Variants in ABCA7 observed in about 807,000 individuals in gnomAD.
ABCA7 encodes phospholipid-transporting ATPase ABCA7.
In ABCA7, 261 loss-of-function variants were observed where a neutral mutation model predicts 227.6. The observed-to-expected ratio is 1.15, with a 90% CI of 1.04 to 1.27. The LOEUF (loss-of-function observed/expected upper bound fraction) is 1.27, where lower values mean the gene tolerates loss of function less well. ABCA7 is among the 50% of genes most tolerant of loss of function. ABCA7 has a pLI of 0.00. For synonymous variants in ABCA7, 1,488 were observed against 1,279.7 expected, an observed-to-expected ratio of 1.16 and a Z score of -3.47; for missense variants, 3,331 against 2,924.5, an observed-to-expected ratio of 1.14 and a Z score of -3.21.
rs117390715 is a variant in ABCA7 at position 1,051,516 on chromosome 19, C to A, written c.2892C>A (p.Asp964Glu). The A allele has an allele frequency of 1.2e-6, 2 of 1,612,528 alleles. No homozygotes were observed. The highest frequency in any genetic ancestry group is 2.7e-5 in the African/African-American group (2 of 74,918). The change falls in exon 21 of 47, where the codon GAC (aspartate) becomes GAA (glutamate). Residue 964 changes from aspartate to glutamate, a missense_variant. By Grantham distance (45) the Asp-to-Glu change is conservative (BLOSUM62 2). Coordinates refer to ENST00000263094, the MANE Select transcript of ABCA7 (RefSeq NM_019112.4). ...GCGGCTCCCAAGTTGTTATCCTGGA[C>A]GAGCCTACGGCTGGCGTGGATCCTG... ...FVGGSQVVILDEPTAGVDPAS... is the reference protein window; with the variant it reads ...FVGGSQVVILEEPTAGVDPAS...
In ABCA7 at chr19:1,052,089, T is replaced by C; in HGVS notation, c.3110T>C (p.Leu1037Pro). The change falls in exon 22 of 47, where the codon CTG becomes CCG. Residue 1037 changes from leucine (L) to proline (P), a missense_variant. Physicochemically the swap from Leu to Pro is moderately conservative, Grantham distance 98. Transcript: ENST00000263094. The part of the protein sequence containing the change: ...RHLGSGYYLT[L>P]VKARLPLTTN... ...CTGGGCTCCGGCTACTACCTGACGC[T>C]GGTGAAGGCCCGCCTGCCCCTGACC... is the stretch of plus-strand genomic sequence containing the variant. 6.2e-7 allele frequency: 1 copy of C among 1,612,190 alleles called. No homozygotes were observed. Among genetic ancestry groups the C allele is most frequent in the East Asian group, 2.2e-5 (1 of 44,824 alleles).
At position 1,050,274 on chromosome 19, in the gene ABCA7, T is replaced by C. The variant is rs373322909; in HGVS notation, c.2553-647T>C. On this transcript the variant is annotated intron_variant, in intron 18 of 46. Transcript: ENST00000263094. ...AAATACAAAAATTAGCCGGGTGTGA[T>C]GGTGGCGTGCACCTGTAATCCCAGC... 9.2e-5 allele frequency among the ~76,000 whole-genome samples: 14 copies of C among 151,740 alleles called. No homozygotes were observed. The East Asian group carries it at 9.8e-4, about 11-fold the overall frequency.
Position 1,054,694 on chromosome 19 carries a change from G to A in ABCA7, c.3851G>A (p.Ser1284Asn), listed in dbSNP as rs779440037. 4.3e-6 allele frequency: 7 copies of A among 1,612,412 alleles called. No homozygotes were observed. Among genetic ancestry groups the A allele is most frequent in the Admixed American group, 3.3e-5 (2 of 59,982 alleles). Reference sequence around the variant, plus strand: ...TACGGTGCTCAGGTGTCCTTCTTCAGGTGGGTGCAGAAGGAAGGGGCTGGT... The same window carrying A: ...TACGGTGCTCAGGTGTCCTTCTTCAAGTGGGTGCAGAAGGAAGGGGCTGGT... ...TMYGAQVSFF[S>N]EDAPGDPGRA... The change falls in exon 28 of 47, where the codon AGT becomes AAT. Residue 1284 changes from serine (S) to asparagine (N), a missense_variant and splice_region_variant. Ser to Asn is a conservative substitution (Grantham distance 46). Coordinates refer to ENST00000263094, the MANE Select transcript of ABCA7 (RefSeq NM_019112.4). The surrounding 1 kb of genome is among the most constrained non-coding windows in gnomAD (Gnocchi z 4.8).
chr19:1,043,023 C>G lies in ABCA7; in HGVS notation c.580-18C>G. The G allele has an allele frequency of 6.3e-7, 1 of 1,583,346 alleles. No homozygotes were observed. Among genetic ancestry groups the G allele is most frequent in the South Asian group, 1.1e-5 (1 of 89,232 alleles). On this transcript the variant is annotated intron_variant, in intron 7 of 46. Coordinates refer to ENST00000263094, the MANE Select transcript of ABCA7 (RefSeq NM_019112.4). ...GAGGTGGGATCATTGCCAGCTCCGT[C>G]TGGTAACCTCTCTCTAGCTCCTGGC...
intron 16 of ABCA7, among the ~76,000 whole-genome samples, chr19:1,048,614 C>T (rs2040995979): frequency 6.6e-6 from 1 of 151,556 alleles, no homozygotes; most frequent in South Asian, 2.1e-4. Flanking sequence ...TGGAGACCAT[C>T]CTGGCTAACA....
At chr19:1,049,172 C>G in intron 17 of ABCA7, 94 bp from the exon 18 acceptor site, 1 of 1,430,570 alleles carries the variant, frequency 7.0e-7, no homozygotes, top group Non-Finnish European at 9.5e-7. Flanking sequence ...GGCCCCGGCC[C>G]AGCAGGTCCC....
chr19:1,050,023 T>C (rs1173945474), intron 18 of ABCA7, among the ~76,000 whole-genome samples: 13 of 91,882 alleles, frequency 1.4e-4, no homozygotes, highest in South Asian at 4.5e-4. Context: ...ACTTCCTCCC[T>C]GTGAGCTCCC....
chr19:1,041,613 C>G lies in ABCA7; in HGVS notation c.160+10C>G, dbSNP rs367574717. ...CTGGAGCACCATGAATGTGAGCCCC[C>G]CCAGGGACCAGGCACTTTGTGTGTG... On this transcript the variant is annotated intron_variant, in intron 3 of 46. Transcript: ENST00000263094. 756 of 1,610,328 alleles carry G rather than the reference C, an allele frequency of 4.7e-4. 3 individuals carry two copies. The highest frequency in any genetic ancestry group is 7.0e-4 in the South Asian group (64 of 91,070).
chr19:1,065,360 C>T lies in ABCA7; in HGVS notation c.6376C>T (p.Leu2126=). The change falls in exon 47 of 47, where the codon CTG becomes TTG. Residue 2126 remains leucine (L), a synonymous_variant. Transcript: ENST00000263094. ...AGTGGGAGTGGACCCCGCGCCAGGC[C>T]TGCAGCACCCCAAACGCGTCAGCCA... ...AGVGVDPAPG[L]QHPKRVSQFL... is the part of the protein sequence containing the mutation. 1 of 1,613,636 alleles carries T rather than the reference C, an allele frequency of 6.2e-7. No individual in the cohort carries two copies. The highest frequency in any genetic ancestry group is 8.5e-7 in the Non-Finnish European group (1 of 1,179,994).
In ABCA7 at chr19:1,057,973, G is replaced by C; in HGVS notation, c.4939G>C (p.Ala1647Pro). ...CTTCTTCTTCTCCGTGCCCAGCACA[G>C]CCTATGTGGTGCTCACCTGCATAAA... ...ASFFFSVPST[A>P]YVVLTCINLF... The change falls in exon 36 of 47, where the codon GCC becomes CCC. Residue 1647 changes from alanine (A) to proline (P), a missense_variant. Ala to Pro is a conservative substitution (Grantham distance 27). Coordinates refer to ENST00000263094, the MANE Select transcript of ABCA7 (RefSeq NM_019112.4). 6.2e-7 allele frequency: 1 copy of C among 1,614,062 alleles called. No homozygotes were observed. Among genetic ancestry groups the C allele is most frequent in the Non-Finnish European group, 8.5e-7 (1 of 1,180,016 alleles).
At chr19:1,062,738 G>A (rs927521680) in intron 42 of ABCA7, among the ~76,000 whole-genome samples, 16 of 151,548 alleles carry the variant, frequency 1.1e-4, no homozygotes, top group African/African-American at 3.9e-4. Flanking sequence ...TGGGGGTCTT[G>A]TCTTTGCCCT....
intron 40 of ABCA7, among the ~76,000 whole-genome samples, chr19:1,059,978 G>A (rs1035086477): frequency 1.3e-5 from 2 of 152,076 alleles, no homozygotes; most frequent in Non-Finnish European, 2.9e-5. Flanking sequence ...GTCCATCAAC[G>A]TTTATCAAAT....
intron 16 of ABCA7, among the ~76,000 whole-genome samples, chr19:1,047,916 C>A (rs2040877373): frequency 6.6e-6 from 1 of 152,202 alleles, no homozygotes; most frequent in Non-Finnish European, 1.5e-5. Flanking sequence ...TCGCCGGGCG[C>A]TGTGGCTCAC....
At chr19:1,049,463 G>T (rs773578850) in intron 18 of ABCA7, 26 bp downstream of exon 18, 2 of 1,232,364 alleles carry the variant, frequency 1.6e-6, no homozygotes, top group East Asian at 3.5e-5. Context: ...CTCCCTCCCC[G>T]TGAGCCCCCC....
Position 1,050,974 on chromosome 19 carries a change from G to A in ABCA7, c.2606G>A (p.Gly869Asp). ...PPSGGSAFILGHDVRSSMAAI... is the reference protein window; with the variant it reads ...PPSGGSAFILDHDVRSSMAAI... ...AGTGGTGGCTCTGCCTTCATCCTGG[G>A]CCACGACGTCCGCTCCAGCATGGCC... The change falls in exon 19 of 47, where the codon GGC becomes GAC. Residue 869 changes from glycine to aspartate, a missense_variant. Gly to Asp is a moderately conservative substitution (Grantham distance 94). Transcript: ENST00000263094. 1 of 1,612,184 alleles carries A rather than the reference G, an allele frequency of 6.2e-7. No homozygotes were observed. Among genetic ancestry groups the A allele is most frequent in the Non-Finnish European group, 8.5e-7 (1 of 1,179,724 alleles).
rs767239326 is a variant in ABCA7 at position 1,047,456 on chromosome 19, C to G, written c.2071C>G (p.Leu691Val). Residue 691 changes from leucine (L) to valine (V), a missense_variant, in exon 16 of 47, where the codon CTG (leucine) becomes GTG (valine). Leu to Val is a conservative substitution (Grantham distance 32, BLOSUM62 1). Transcript: ENST00000263094. The stretch of plus-strand genomic sequence containing the variant: ...CTGACCGCCCGCTTTTCCGCAGAGC[C>G]TGCTGTCGCCCGTGGCCTTCGGCTT... ...LPAGGRVAAS[L>V]LSPVAFGFGC... 17 of 1,545,992 alleles carry G rather than the reference C, an allele frequency of 1.1e-5. No homozygotes were observed. The East Asian group carries it at 3.8e-4, about 35-fold the overall frequency.
At position 1,057,398 on chromosome 19, in the gene ABCA7, C is replaced by T. The variant is rs2042347948; in HGVS notation, c.4849C>T (p.Pro1617Ser). ...QRAYVAPANL[P>S]ALLLLLLLYG... ...GGCATATGTGGCCCCTGCCAACCTG[C>T]CTGCTCTCCTGCTGTTGCTACTACT... is the stretch of plus-strand genomic sequence containing the variant. The change falls in exon 35 of 47, where the codon CCT becomes TCT. Residue 1617 changes from proline (P) to serine (S), a missense_variant. Physicochemically the swap from Pro to Ser is moderately conservative, Grantham distance 74. Coordinates refer to ENST00000263094, the MANE Select transcript of ABCA7 (RefSeq NM_019112.4). The T allele has an allele frequency of 1.2e-6, 2 of 1,613,928 alleles. No homozygotes were observed. Among genetic ancestry groups the T allele is most frequent in the Non-Finnish European group, 1.7e-6 (2 of 1,180,018 alleles).
At position 1,042,235 on chromosome 19, in the gene ABCA7, G is replaced by A. The variant is rs570341558; in HGVS notation, c.415+59G>A. The A allele has an allele frequency of 1.4e-4, 216 of 1,587,792 alleles. 1 individual carries two copies. The South Asian group carries it at 2.2e-3, about 16-fold the overall frequency. On this transcript the variant is annotated intron_variant, in intron 5 of 46. Coordinates refer to ENST00000263094, the MANE Select transcript of ABCA7 (RefSeq NM_019112.4). ...GCTCTGAGCCTCAACTTGCCGGGCC[G>A]TGAAATGGGCACAGGGTGGGGGTGG...
rs771798639 is a variant in ABCA7, at chr19:1,043,768, G to A, written c.974G>A (p.Arg325Gln). ...FEELTLLRDV[R>Q]EVWEMLGPRI... Reference sequence around the variant, plus strand: ...GAGCTCACCCTGCTGAGGGATGTCCGGGAGGTGTGGGAGATGCTGGGACCC... The same window carrying A: ...GAGCTCACCCTGCTGAGGGATGTCCAGGAGGTGTGGGAGATGCTGGGACCC... The change falls in exon 10 of 47, where the codon CGG (arginine) becomes CAG (glutamine). Residue 325 changes from arginine to glutamine, a missense_variant. Transcript: ENST00000263094. The A allele has an allele frequency of 9.6e-5, 155 of 1,613,010 alleles. No individual in the cohort carries two copies. Among genetic ancestry groups the A allele is most frequent in the South Asian group, 4.7e-4 (43 of 91,062 alleles).
Sources: allele counts gnomAD v4.1 joint callset (sites outside exome capture counted in the v4.1 genomes callset), GRCh38; gene constraint gnomAD v4.1.1; non-coding constraint Gnocchi (gnomAD v3.1); transcripts MANE v1.5; gene names NCBI Gene and HGNC (gene_info 2026-07-23, HGNC 2026-07-21).